BLTP1: variants seen among roughly 807,000 people sequenced by gnomAD.
BLTP1 encodes the protein fragile site-associated protein.
the BLTP1 span, among the ~76,000 whole-genome samples, chr4:122,273,889 T>C: frequency 3.8e-3 from 585 of 152,200 alleles, 6 homozygotes; most frequent in African/African-American, 0.013. Flanking sequence ...TAGGCAAAAT[T>C]GTTTATGTGA....
the BLTP1 span, among the ~76,000 whole-genome samples, chr4:122,165,042 G>GT: frequency 1.3e-4 from 20 of 151,992 alleles, no homozygotes; most frequent in African/African-American, 4.8e-4. Flanking sequence ...CTACTTCATA[G>GT]TTTCTTCTAG....
At chr4:122,179,780 TCA>T in the BLTP1 span, 2 of 903,544 alleles carry the variant, frequency 2.2e-6, no homozygotes, top group Non-Finnish European at 2.6e-6. Flanking sequence ...GCACACACAC[TCA>T]CACAGCCACA....
chr4:122,218,162 C>A, the BLTP1 span, among the ~76,000 whole-genome samples: 1 of 151,904 alleles, frequency 6.6e-6, no homozygotes, highest in African/African-American at 2.4e-5. Context: ...GTCAAAGAAC[C>A]AGCCTTTTGT....
At chr4:122,182,962 G>A in the BLTP1 span, 5 of 982,728 alleles carry the variant, frequency 5.1e-6, no homozygotes, top group East Asian at 2.3e-4. Flanking sequence ...GACTTCATAC[G>A]TGTATTCTGG....
At chr4:122,170,561 C>T in the BLTP1 span, 3 of 1,425,834 alleles carry the variant, frequency 2.1e-6, no homozygotes, top group Admixed American at 3.4e-5. Context: ...TTAATGATTT[C>T]TGTTGCAATT....
the BLTP1 span, chr4:122,347,888 T>C: frequency 1.4e-6 from 1 of 717,074 alleles, no homozygotes; most frequent in Non-Finnish European, 2.1e-6. Flanking sequence ...CTTGAGGTTT[T>C]TATGACACGT....
chr4:122,307,047 A>G, the BLTP1 span, among the ~76,000 whole-genome samples: 1 of 150,930 alleles, frequency 6.6e-6, no homozygotes, highest in African/African-American at 2.4e-5. Context: ...GACACAAAAC[A>G]GGTTGAGTAC....
the BLTP1 span, chr4:122,254,877 A>G: frequency 1.2e-6 from 2 of 1,613,768 alleles, no homozygotes; most frequent in Non-Finnish European, 1.7e-6. Context: ...AACTCAAGTC[A>G]TCTTTAAACA....
the BLTP1 span, chr4:122,314,189 C>G: frequency 1.1e-6 from 1 of 934,956 alleles, no homozygotes; most frequent in Non-Finnish European, 1.3e-6. Flanking sequence ...GAGATGTGGG[C>G]CAGGGAAAAT....
At chr4:122,269,349 A>C in the BLTP1 span, 3 of 922,500 alleles carry the variant, frequency 3.3e-6, no homozygotes, top group Non-Finnish European at 3.9e-6. Context: ...ACTACAACAG[A>C]CTAGACCTTC....
At chr4:122,230,283 T>C in the BLTP1 span, 1 of 1,258,644 alleles carries the variant, frequency 7.9e-7, no homozygotes, top group Non-Finnish European at 1.1e-6. Flanking sequence ...GTAGAGGAAA[T>C]TCTACTGAGA....
At chr4:122,180,037 CACACACAT>C in the BLTP1 span, 5 of 946,898 alleles carry the variant, frequency 5.3e-6, no homozygotes, top group South Asian at 5.1e-5. Context: ...CACACACACA[CACACACAT>C]ACACACACAC....
At chr4:122,328,636 G>C in the BLTP1 span, 1 of 981,744 alleles carries the variant, frequency 1.0e-6, no homozygotes, top group African/African-American at 1.8e-5. Flanking sequence ...ATGTGGTTAC[G>C]AGTAAATTAA....
the BLTP1 span, among the ~76,000 whole-genome samples, chr4:122,342,889 T>G: frequency 6.6e-6 from 1 of 152,220 alleles, no homozygotes; most frequent in Non-Finnish European, 1.5e-5. Context: ...GTCTCATATT[T>G]TTTATGTTTT....
At chr4:122,338,628 C>G in the BLTP1 span, among the ~76,000 whole-genome samples, 3 of 151,576 alleles carry the variant, frequency 2.0e-5, no homozygotes, top group African/African-American at 7.3e-5. Context: ...ACCCCTGCCC[C>G]CTACCATGTA....
chr4:122,313,789 TA>T, the BLTP1 span: 110 of 641,820 alleles, frequency 1.7e-4, no homozygotes, highest in Middle Eastern at 4.7e-4. Context: ...TTCACTAATT[TA>T]AAAAAAAACT....
chr4:122,322,769 G>C, the BLTP1 span, among the ~76,000 whole-genome samples: 1 of 152,086 alleles, frequency 6.6e-6, no homozygotes, highest in Non-Finnish European at 1.5e-5. Flanking sequence ...GGATAGAACT[G>C]ACTGCATTGG....
At chr4:122,338,324 T>C in the BLTP1 span, among the ~76,000 whole-genome samples, 1 of 151,678 alleles carries the variant, frequency 6.6e-6, no homozygotes. Flanking sequence ...TAAAATAAAA[T>C]TAGCGAGGCG....
the BLTP1 span, among the ~76,000 whole-genome samples, chr4:122,324,073 C>T: frequency 6.6e-6 from 1 of 151,946 alleles, no homozygotes; most frequent in African/African-American, 2.4e-5. Context: ...TCCACTGCCC[C>T]GAACTTAGCT....
Sources: allele counts gnomAD v4.1 joint callset (sites outside exome capture counted in the v4.1 genomes callset), GRCh38; gene constraint gnomAD v4.1.1; transcripts MANE v1.5; gene names NCBI Gene and HGNC (gene_info 2026-07-23, HGNC 2026-07-21).